CYRIB: variants seen among roughly 807,000 people sequenced by gnomAD.
CYRIB encodes the protein CYFIP-related Rac1 interactor B.
In CYRIB, 8 loss-of-function variants were observed where a neutral mutation model predicts 44.2. The ratio of observed to expected loss-of-function variants is 0.18; its 90% CI spans 0.11 to 0.33. CYRIB has a LOEUF of 0.33. Ranked by LOEUF, CYRIB falls within the 10% of genes least tolerant of loss-of-function variation. The pLI is 1.00. For missense variants in CYRIB, 185 were observed against 382.8 expected (o/e 0.48, Z 4.31); for synonymous variants, 131 against 127.2 (o/e 1.03, Z -0.20).
At chr8:129,847,007 C>A in intron 10 of CYRIB, 133 bp from the exon 13 acceptor site, 1 of 551,160 alleles carries the variant, frequency 1.8e-6, no homozygotes, top group Non-Finnish European at 3.1e-6. Context: ...ATTAATTATT[C>A]TTAGAACAGA....
At chr8:129,961,864 T>C (rs1454815747) in intron 2 of CYRIB, among the ~76,000 whole-genome samples, 1 of 152,194 alleles carries the variant, frequency 6.6e-6, no homozygotes, top group African/African-American at 2.4e-5. Flanking sequence ...AATTCTGGCC[T>C]TGTCAGAGCC....
At chr8:129,907,750 C>T (rs2076172119) in intron 1 of CYRIB, among the ~76,000 whole-genome samples, 1 of 152,082 alleles carries the variant, frequency 6.6e-6, no homozygotes, top group South Asian at 2.1e-4. Flanking sequence ...GCCTGTAAGC[C>T]CAGCCCTTTG....
chr8:129,911,250 C>T (rs970120877), intron 1 of CYRIB, among the ~76,000 whole-genome samples: 4 of 152,070 alleles, frequency 2.6e-5, no homozygotes, highest in Non-Finnish European at 4.4e-5. Context: ...AAATTAAACC[C>T]TTTTCATTGA....
intron 6 of CYRIB, 49 bp downstream of exon 8, chr8:129,855,562 T>C (rs2045824301): frequency 6.3e-7 from 1 of 1,596,368 alleles, no homozygotes; most frequent in South Asian, 1.1e-5. Flanking sequence ...TAGTACTCAT[T>C]AAAAGATTCA....
intron 5 of CYRIB, among the ~76,000 whole-genome samples, chr8:129,859,414 CTA>C (rs1192964129): frequency 2.0e-5 from 3 of 151,318 alleles, no homozygotes; most frequent in East Asian, 3.9e-4. Context: ...GTGGGCCTGA[CTA>C]ATGTCAGGCC....
chr8:129,959,076 A>C (rs1230007972), intron 2 of CYRIB, among the ~76,000 whole-genome samples: 1 of 149,960 alleles, frequency 6.7e-6, no homozygotes, highest in African/African-American at 2.4e-5. Context: ...AAAAAAAAAA[A>C]AAAAAAAACA....
chr8:129,931,274 T>C (rs2091218392), intron 1 of CYRIB, among the ~76,000 whole-genome samples: 1 of 152,210 alleles, frequency 6.6e-6, no homozygotes, highest in Non-Finnish European at 1.5e-5. Context: ...ATGTTCTTAA[T>C]TTACATCATT....
upstream of CYRIB, among the ~76,000 whole-genome samples, chr8:129,942,966 TC>T (rs1159866676): frequency 6.6e-6 from 1 of 152,222 alleles, no homozygotes; most frequent in African/African-American, 2.4e-5. Flanking sequence ...TGGCTTTCCT[TC>T]AGTGCTGTTT....
intron 1 of CYRIB, among the ~76,000 whole-genome samples, chr8:129,931,405 T>C (rs993912664): frequency 6.6e-6 from 1 of 152,202 alleles, no homozygotes; most frequent in Non-Finnish European, 1.5e-5. Context: ...AAATTCAATG[T>C]CCTTGAAATT....
chr8:129,874,584 C>T (rs2058494517), intron 3 of CYRIB, among the ~76,000 whole-genome samples: 1 of 152,076 alleles, frequency 6.6e-6, no homozygotes, highest in Non-Finnish European at 1.5e-5. Flanking sequence ...GTATGTACCA[C>T]TGGTACATCT....
At chr8:129,933,745 G>A (rs1390305132) in intron 1 of CYRIB, among the ~76,000 whole-genome samples, 2 of 151,956 alleles carry the variant, frequency 1.3e-5, no homozygotes, top group Non-Finnish European at 2.9e-5. Flanking sequence ...ATGGTGGCAC[G>A]CATCTGTAGT....
chr8:129,892,962 C>T (rs959683373), intron 2 of CYRIB, among the ~76,000 whole-genome samples: 2 of 152,110 alleles, frequency 1.3e-5, no homozygotes, highest in African/African-American at 2.4e-5. Context: ...CAATTAGCGG[C>T]GGATTTGTGG....
intron 10 of CYRIB, among the ~76,000 whole-genome samples, chr8:129,848,666 C>CTT (rs2041642213): frequency 6.6e-6 from 1 of 152,108 alleles, no homozygotes; most frequent in African/African-American, 2.4e-5. Flanking sequence ...CTCCTGGGCT[C>CTT]AAGGGATCCT....
At chr8:129,862,405 A>G (rs533620191) in intron 4 of CYRIB, 71 bp from the exon 7 acceptor site, 133 of 1,175,668 alleles carry the variant, frequency 1.1e-4, no homozygotes, top group Non-Finnish European at 1.6e-4. Context: ...ATTAAAATGT[A>G]GGCTTTAGCA....
chr8:129,999,256 A>G (rs1463621185), intron 1 of CYRIB, among the ~76,000 whole-genome samples: 2 of 152,186 alleles, frequency 1.3e-5, no homozygotes, highest in Non-Finnish European at 2.9e-5. Context: ...AGGCATGGCC[A>G]GTGGGGAGGA....
At chr8:129,879,945 G>A (rs965827636) in intron 2 of CYRIB, among the ~76,000 whole-genome samples, 1 of 152,058 alleles carries the variant, frequency 6.6e-6, no homozygotes, top group Non-Finnish European at 1.5e-5. Context: ...CTTCCTGCAT[G>A]CGGTTCAATA....
chr8:129,980,650 T>C (rs2096192755), intron 1 of CYRIB, among the ~76,000 whole-genome samples: 2 of 148,744 alleles, frequency 1.3e-5, no homozygotes, highest in South Asian at 4.2e-4. Context: ...GGCCACGGAG[T>C]GAGACTCTGT....
At chr8:129,954,679 C>A (rs1016183394) in intron 2 of CYRIB, among the ~76,000 whole-genome samples, 2 of 152,132 alleles carry the variant, frequency 1.3e-5, no homozygotes, top group Non-Finnish European at 2.9e-5. Flanking sequence ...GGTTAAGGAA[C>A]TTGTCTAGGG....
intron 1 of CYRIB, among the ~76,000 whole-genome samples, chr8:130,007,833 T>C (rs952350643): frequency 5.9e-5 from 9 of 151,796 alleles, no homozygotes; most frequent in Admixed American, 3.9e-4. Context: ...CCATGCTCCA[T>C]AAAAGAAAGT....
Sources: allele counts gnomAD v4.1 joint callset (sites outside exome capture counted in the v4.1 genomes callset), GRCh38; gene constraint gnomAD v4.1.1; transcripts MANE v1.5; gene names NCBI Gene and HGNC (gene_info 2026-07-23, HGNC 2026-07-21).